The following THUMPD2 variants were observed in gnomAD, a reference collection of about 807,000 sequenced individuals.
THUMPD2 encodes U6 snRNA (guanine-N(2))-methyltransferase THUMPD2.
A neutral mutation model predicts 49.4 loss-of-function variants in THUMPD2; 56 were observed. The ratio of observed to expected loss-of-function variants is 1.13; its 90% CI spans 0.91 to 1.41. THUMPD2 has a LOEUF of 1.41. THUMPD2 is among the 40% of genes most tolerant of loss of function. THUMPD2 has a pLI of 0.00. For synonymous variants in THUMPD2, 237 were observed against 205.2 expected (o/e 1.15, Z -1.32); for missense variants, 709 against 594.5 (o/e 1.19, Z -2.00).
At chr2:39,761,209 G>A (rs1225712401) in intron 6 of THUMPD2, 122 bp downstream of exon 6, 1 of 820,162 alleles carries the variant, frequency 1.2e-6, no homozygotes, top group African/African-American at 1.7e-5. Flanking sequence ...AAGAAAAGAA[G>A]TTAAAGAAAA....
intron 6 of THUMPD2, among the ~76,000 whole-genome samples, chr2:39,759,164 GA>G (rs1180083773): frequency 4.6e-5 from 7 of 151,930 alleles, no homozygotes; most frequent in Admixed American, 4.6e-4. Flanking sequence ...AGGAATTTCA[GA>G]AGTAGGAAAA....
intron 8 of THUMPD2, among the ~76,000 whole-genome samples, chr2:39,753,851 T>C (rs1236737108): frequency 6.6e-6 from 1 of 152,196 alleles, no homozygotes; most frequent in Non-Finnish European, 1.5e-5. Flanking sequence ...TGCAACAGTC[T>C]CTTTCTAGTC....
chr2:39,747,424 A>G (rs1674756265), intron 8 of THUMPD2, among the ~76,000 whole-genome samples: 1 of 152,202 alleles, frequency 6.6e-6, no homozygotes, highest in Non-Finnish European at 1.5e-5. Context: ...GAAGTCCATA[A>G]ACATTAGTCT....
At chr2:39,740,899 A>T (rs1411066692) in intron 9 of THUMPD2, among the ~76,000 whole-genome samples, 2 of 151,942 alleles carry the variant, frequency 1.3e-5, no homozygotes, top group Non-Finnish European at 2.9e-5. Flanking sequence ...TTATTTAGAG[A>T]TGAGTTCTTG....
Position 39,755,090 on chromosome 2 carries a change from C to T in THUMPD2, c.1078+205G>A, listed in dbSNP as rs146004602. ...TAAGAAGTCATGCTTTACATGCTTA[C>T]GAAAACTATAGAATTGTTGCTTCCC... On this transcript the variant is annotated intron_variant, in intron 8 of 9. Coordinates refer to ENST00000505747, the MANE Select transcript of THUMPD2 (RefSeq NM_025264.5). 5.3e-3 allele frequency among the ~76,000 whole-genome samples: 809 copies of T among 151,482 alleles called. 7 individuals carry two copies. Among genetic ancestry groups the T allele is most frequent in the African/African-American group, 0.019 (771 of 41,240 alleles).
intron 3 of THUMPD2, chr2:39,769,116 A>T (rs1381960712): frequency 2.3e-6 from 3 of 1,300,660 alleles, no homozygotes; most frequent in Non-Finnish European, 3.0e-6. Context: ...GCCACTGAAT[A>T]AGCACAAAGC....
intron 4 of THUMPD2, among the ~76,000 whole-genome samples, chr2:39,767,901 G>A (rs1304851089): frequency 6.6e-6 from 1 of 151,916 alleles, no homozygotes; most frequent in African/African-American, 2.4e-5. Flanking sequence ...TTTATAAGAT[G>A]GCTTTCAAAA....
At chr2:39,762,081 G>C (rs1025861762) in intron 5 of THUMPD2, among the ~76,000 whole-genome samples, 1 of 152,102 alleles carries the variant, frequency 6.6e-6, no homozygotes, top group Non-Finnish European at 1.5e-5. Flanking sequence ...TTTTCAAAAT[G>C]TCATCTATTA....
intron 1 of THUMPD2, among the ~76,000 whole-genome samples, chr2:39,774,413 G>C (rs1020888602): frequency 6.6e-6 from 1 of 152,154 alleles, no homozygotes; most frequent in Non-Finnish European, 1.5e-5. Context: ...AGGAACTCTT[G>C]TTTATTTCAA....
rs1286702153 is a variant in THUMPD2 at position 39,779,141 on chromosome 2, C to T, written c.99G>A (p.Glu33=). ...GRGLEPFVMR[E]VRARLAATQV... ...GCGTGGCCGCCAGCCGCGCCCGCACCTCTCGCATTACGAACGGCTCCAGGC... is the reference window on the plus strand; with the variant it reads ...GCGTGGCCGCCAGCCGCGCCCGCACTTCTCGCATTACGAACGGCTCCAGGC... The change falls in exon 1 of 10, where the codon GAG becomes GAA. Residue 33 remains glutamate, a synonymous_variant. Coordinates refer to ENST00000505747, the MANE Select transcript of THUMPD2 (RefSeq NM_025264.5). 3.9e-6 allele frequency: 6 copies of T among 1,519,504 alleles called. No individual in the cohort carries two copies. The highest frequency in any genetic ancestry group is 5.3e-6 in the Non-Finnish European group (6 of 1,139,618). The allele number at this position is 1,519,504 out of a possible 1,614,324, so 94.1% of individuals were successfully genotyped here.
At chr2:39,771,106 T>C (rs1026726807) in intron 2 of THUMPD2, among the ~76,000 whole-genome samples, 5 of 152,130 alleles carry the variant, frequency 3.3e-5, no homozygotes, top group Admixed American at 2.6e-4. Context: ...GCAGTATTTT[T>C]CCAATTATAT....
intron 1 of THUMPD2, among the ~76,000 whole-genome samples, chr2:39,777,675 C>T (rs1455620191): frequency 6.6e-6 from 1 of 152,156 alleles, no homozygotes; most frequent in Admixed American, 6.5e-5. Context: ...TTGTTCAGAT[C>T]CCATTTCCAG....
chr2:39,755,385 C>T lies in THUMPD2; in HGVS notation c.988G>A (p.Val330Ile), dbSNP rs769634140. 3 of 1,565,422 alleles carry T rather than the reference C, an allele frequency of 1.9e-6. No individual in the cohort carries two copies. Among genetic ancestry groups the T allele is most frequent in the South Asian group, 1.2e-5 (1 of 82,788 alleles). The change falls in exon 8 of 10, where the codon GTC (valine) becomes ATC (isoleucine). Residue 330 changes from valine to isoleucine, a missense_variant. Coordinates refer to ENST00000505747, the MANE Select transcript of THUMPD2 (RefSeq NM_025264.5). ...WPDVYYVGADVSDSQLLGTWD... is the reference protein window; with the variant it reads ...WPDVYYVGADISDSQLLGTWD... ...GTACCTAGTAACTGTGAGTCGCTGA[C>T]ATCAGCACCTACATAATACACATCC...
intron 6 of THUMPD2, among the ~76,000 whole-genome samples, 162 bp from the exon 7 acceptor site, chr2:39,756,122 T>C: frequency 6.6e-6 from 1 of 152,106 alleles, no homozygotes; most frequent in Non-Finnish European, 1.5e-5. Flanking sequence ...TTTTATTTTT[T>C]TAAGTTGAAA....
intron 4 of THUMPD2, among the ~76,000 whole-genome samples, chr2:39,767,570 C>G (rs1162283937): frequency 1.5e-5 from 2 of 135,978 alleles, no homozygotes; most frequent in Non-Finnish European, 3.0e-5. Flanking sequence ...CGCCACTGCA[C>G]TCCAGCCTGG....
At chr2:39,773,361 T>C (rs1420222385) in intron 1 of THUMPD2, among the ~76,000 whole-genome samples, 2 of 151,800 alleles carry the variant, frequency 1.3e-5, no homozygotes, top group African/African-American at 4.8e-5. Context: ...TGATTTTAAG[T>C]TTCAAATTCT....
At chr2:39,742,192 TA>T (rs1361240204) in intron 9 of THUMPD2, among the ~76,000 whole-genome samples, 2 of 151,366 alleles carry the variant, frequency 1.3e-5, no homozygotes, top group Non-Finnish European at 2.9e-5. Flanking sequence ...CTTCAAACCA[TA>T]AAAAAAACAA....
Position 39,736,904 on chromosome 2 carries a change from G to T in THUMPD2, c.1343C>A (p.Thr448Asn), listed in dbSNP as rs572433086. ...AGTTGACGCTGTCTTGAATGCACCA[G>T]TTTTTTCTTCAGGATTCAAGCACTT... ...IKKCLNPEEK[T>N]GAFKTASTSF... Residue 448 changes from threonine to asparagine, a missense_variant, in exon 10 of 10, where the codon ACT becomes AAT. Transcript: ENST00000505747. The T allele has an allele frequency of 6.2e-7, 1 of 1,614,058 alleles. No individual in the cohort carries two copies. The highest frequency in any genetic ancestry group is 1.3e-5 in the African/African-American group (1 of 74,914).
intron 6 of THUMPD2, among the ~76,000 whole-genome samples, chr2:39,759,055 T>C (rs1676493511): frequency 6.6e-6 from 1 of 151,994 alleles, no homozygotes; most frequent in South Asian, 2.1e-4. Context: ...TGTTCAAGAA[T>C]AACTAAAAAT....
Sources: gnomAD v4.1 joint callset for allele counts (sites outside exome capture counted in the v4.1 genomes callset) on GRCh38, gnomAD v4.1.1 for gene constraint, MANE v1.5 for transcripts, NCBI Gene and HGNC (gene_info 2026-07-23, HGNC 2026-07-21) for gene names.